Variants in COPZ1 observed in about 807,000 individuals in gnomAD.
COPZ1 encodes coat protein complex I subunit zeta 1, also known as coatomer subunit zeta-1.
In COPZ1, 4 loss-of-function variants were observed where a neutral mutation model predicts 31.7. The observed-to-expected ratio is 0.13, with a 90% confidence interval of 0.06 to 0.29. The LOEUF is 0.29. Ranked by LOEUF, COPZ1 falls within the 10% of genes least tolerant of loss-of-function variation. COPZ1 has a pLI of 1.00. For synonymous variants in COPZ1, 74 were observed against 79.0 expected (o/e 0.94, Z 0.33); for missense variants, 156 against 211.5 (o/e 0.74, Z 1.63).
intron 1 of COPZ1, among the ~76,000 whole-genome samples, chr12:54,326,751 C>T (rs972163484): frequency 6.6e-6 from 1 of 150,380 alleles, no homozygotes; most frequent in South Asian, 2.1e-4. Flanking sequence ...AACTCTAGGC[C>T]TCTTTCCAAA....
At chr12:54,326,758 C>T (rs1953656515) in intron 1 of COPZ1, among the ~76,000 whole-genome samples, 1 of 149,736 alleles carries the variant, frequency 6.7e-6, no homozygotes, top group Non-Finnish European at 1.5e-5. Flanking sequence ...GGCCTCTTTC[C>T]AAAGAAGCTT....
intron 1 of COPZ1, chr12:54,340,299 G>T: frequency 1.9e-6 from 1 of 536,866 alleles, no homozygotes; most frequent in Non-Finnish European, 3.2e-6. Context: ...AGCCCCCTGT[G>T]AGTCAGAGAA....
In COPZ1 at chr12:54,347,881, G is replaced by A. The variant is rs746090210; in HGVS notation, c.395+37G>A. On this transcript the variant is annotated intron_variant, in intron 6 of 8. Transcript: ENST00000262061. ...GACCTGCCTTGATCTTGGGTGAGGT[G>A]GCGGGATAACTGCCCCTGTCCTAAG... The A allele has an allele frequency of 1.9e-6, 3 of 1,610,724 alleles. 1 individual carries two copies. The South Asian group carries it at 3.3e-5, about 18-fold the overall frequency.
Position 54,350,465 on chromosome 12 carries a change from T to TA in COPZ1, c.487-10dup, listed in dbSNP as rs754071936. ...AGCAAGCTTTCCTCAATGCTGCTCT[T>TA]ATCTCTGCAGGTGCTGCAGTCAGCC... On this transcript the variant is annotated splice_polypyrimidine_tract_variant and intron_variant, in intron 8 of 8. Transcript: ENST00000262061. The TA allele has an allele frequency of 6.2e-7, 1 of 1,613,666 alleles. No individual in the cohort carries two copies. Among genetic ancestry groups the TA allele is most frequent in the Non-Finnish European group, 8.5e-7 (1 of 1,179,582 alleles).
intron 1 of COPZ1, among the ~76,000 whole-genome samples, chr12:54,333,263 C>T (rs909059279): frequency 1.3e-5 from 2 of 152,070 alleles, no homozygotes. Context: ...CCAGGCTGGC[C>T]TCAAACTCCT....
At chr12:54,350,116 G>T in intron 8 of COPZ1, 1 of 623,798 alleles carries the variant, frequency 1.6e-6, no homozygotes, top group Admixed American at 2.7e-5. Flanking sequence ...AGGGGGAAGG[G>T]AGGGGTTCCG....
rs1276129999 is a variant in COPZ1, at chr12:54,346,601, C to G, written c.317+1086C>G. On this transcript the variant is annotated intron_variant, in intron 5 of 8. Coordinates refer to ENST00000262061, the MANE Select transcript of COPZ1 (RefSeq NM_016057.3). ...TTTTGACTTCTAGTCCTTGTTTTTTCCCTTCTGTAGAACAGGAAGCACCCA... is the reference window on the plus strand; with the variant it reads ...TTTTGACTTCTAGTCCTTGTTTTTTGCCTTCTGTAGAACAGGAAGCACCCA... The G allele has an allele frequency of 8.6e-6, 6 of 699,942 alleles. No individual in the cohort carries two copies. In the African/African-American group the frequency reaches 1.1e-4, roughly 12 times the overall value. The allele number at this position is 699,942 out of a possible 1,614,324, so 43.4% of individuals were successfully genotyped here.
intron 7 of COPZ1, among the ~76,000 whole-genome samples, chr12:54,349,216 C>G (rs1001810523): frequency 6.6e-6 from 1 of 152,144 alleles, no homozygotes; most frequent in African/African-American, 2.4e-5. Context: ...ACCCATCAGG[C>G]TTTGCGGGAT....
At chr12:54,325,745 G>A (rs1448970306) in intron 1 of COPZ1, 2 of 151,858 alleles carry the variant, frequency 1.3e-5, no homozygotes, top group Non-Finnish European at 2.9e-5. Flanking sequence ...AGCATGGATT[G>A]TGGAATATTT....
rs1953751097 is a variant in COPZ1, at chr12:54,331,353, G to C, written c.18+6172G>C. ...CCACCACCATGCCTGGCTAATTTTTGTATTTTTAGTAGAGACGGGGTTTCG... is the reference window on the plus strand; with the variant it reads ...CCACCACCATGCCTGGCTAATTTTTCTATTTTTAGTAGAGACGGGGTTTCG... On this transcript the variant is annotated intron_variant, in intron 1 of 8. Transcript: ENST00000262061. 2.0e-5 allele frequency among the ~76,000 whole-genome samples: 3 copies of C among 151,834 alleles called. No individual in the cohort carries two copies. The South Asian group carries it at 6.2e-4, about 32-fold the overall frequency.
chr12:54,328,154 T>G (rs1270043019), intron 1 of COPZ1, among the ~76,000 whole-genome samples: 1 of 150,336 alleles, frequency 6.7e-6, no homozygotes, highest in Non-Finnish European at 1.5e-5. Flanking sequence ...CACGAGCCTA[T>G]AGTCCCAACT....
At chr12:54,340,691 T>A in intron 2 of COPZ1, 76 bp downstream of exon 2, 1 of 1,403,474 alleles carries the variant, frequency 7.1e-7, no homozygotes, top group African/African-American at 1.4e-5. Context: ...GACTGATACC[T>A]TATTAACTTA....
At chr12:54,327,487 C>T (rs1296173349) in intron 1 of COPZ1, among the ~76,000 whole-genome samples, 2 of 151,446 alleles carry the variant, frequency 1.3e-5, no homozygotes, top group Non-Finnish European at 2.9e-5. Context: ...TTAGTAGAGA[C>T]GGTTTCACTG....
intron 3 of COPZ1, 123 bp from the exon 4 acceptor site, chr12:54,343,102 C>T (rs1954003255): frequency 1.1e-5 from 8 of 761,868 alleles, no homozygotes; most frequent in Non-Finnish European, 1.9e-5. Flanking sequence ...GGTGATCCGC[C>T]AGGCTCGGCT....
chr12:54,331,520 T>A (rs1010721805), intron 1 of COPZ1, among the ~76,000 whole-genome samples: 2 of 152,120 alleles, frequency 1.3e-5, no homozygotes, highest in Non-Finnish European at 2.9e-5. Flanking sequence ...CCATAGCCAA[T>A]TGCCCTGGAT....
At chr12:54,340,710 A>G in intron 2 of COPZ1, 95 bp downstream of exon 2, 1 of 1,277,218 alleles carries the variant, frequency 7.8e-7, no homozygotes, top group Non-Finnish European at 1.1e-6. Context: ...TATGTTCCTC[A>G]GTAGTATAAT....
chr12:54,341,539 CAGT>C (rs1348675136), intron 2 of COPZ1, among the ~76,000 whole-genome samples: 1 of 152,198 alleles, frequency 6.6e-6, no homozygotes, highest in African/African-American at 2.4e-5. Flanking sequence ...CCTTTTGAAA[CAGT>C]TATCCAGTTA....
At chr12:54,340,028 C>T (rs1364620071) in intron 1 of COPZ1, among the ~76,000 whole-genome samples, 2 of 149,262 alleles carry the variant, frequency 1.3e-5, no homozygotes, top group African/African-American at 2.5e-5. Flanking sequence ...TGTAAACGCT[C>T]TTTTCCCTCT....
intron 5 of COPZ1, 113 bp downstream of exon 5, chr12:54,345,628 G>A (rs1419843103): frequency 2.4e-6 from 2 of 829,834 alleles, no homozygotes; most frequent in Non-Finnish European, 3.9e-6. Flanking sequence ...GATTGTAGGG[G>A]ATTGGCAAAG....
Sources: allele counts gnomAD v4.1 joint callset (sites outside exome capture counted in the v4.1 genomes callset), GRCh38; gene constraint gnomAD v4.1.1; transcripts MANE v1.5; gene names NCBI Gene and HGNC (gene_info 2026-07-23, HGNC 2026-07-21).